Variants in RIMS2 observed in about 807,000 individuals in gnomAD.
RIMS2 encodes the protein regulating synaptic membrane exocytosis 2, also known as regulating synaptic membrane exocytosis protein 2.
In RIMS2, 59 loss-of-function variants were observed where a neutral mutation model predicts 174.4. The ratio of observed to expected loss-of-function variants is 0.34; its 90% CI spans 0.27 to 0.42. RIMS2 has a LOEUF of 0.42. RIMS2 is among the 10% of genes least tolerant of loss of function. The probability of loss-of-function intolerance (pLI) is 1.00; values close to 1 mark genes in which losing one functional copy is unlikely to be tolerated. For missense variants in RIMS2, 1,620 were observed against 1,666.3 expected, an observed-to-expected ratio of 0.97 and a Z score of 0.48; for synonymous variants, 606 against 572.5, an observed-to-expected ratio of 1.06 and a Z score of -0.84.
At position 103,886,013 on chromosome 8, in the gene RIMS2, G is replaced by GA; in HGVS notation, c.1420dup (p.Met474AsnfsTer8). 1 of 1,612,892 alleles carries GA rather than the reference G, an allele frequency of 6.2e-7. No individual in the cohort carries two copies. The highest frequency in any genetic ancestry group is 8.5e-7 in the Non-Finnish European group (1 of 1,179,432). The stretch of plus-strand genomic sequence containing the variant: ...CTCTGCTGTAAGAAAAACAAAACGG[G>GA]AAAAAATGGAAACAATGTTAAGGAA... On this transcript the variant is annotated frameshift_variant, in exon 4 of 24. Transcript: ENST00000504942. LOFTEE classifies it high-confidence loss of function.
chr8:103,878,356 G>C, intron 3 of RIMS2, among the ~76,000 whole-genome samples: 1 of 151,760 alleles, frequency 6.6e-6, no homozygotes, highest in East Asian at 1.9e-4. Flanking sequence ...GGTATTTTAT[G>C]TGTGGTGAAT....
chr8:104,064,986 G>T (rs2097079040), intron 19 of RIMS2, among the ~76,000 whole-genome samples: 1 of 151,900 alleles, frequency 6.6e-6, no homozygotes. Flanking sequence ...TCACATATAA[G>T]AAAATTAATC....
intron 19 of RIMS2, among the ~76,000 whole-genome samples, chr8:104,030,597 G>C (rs1430514593): frequency 1.3e-5 from 2 of 152,022 alleles, no homozygotes; most frequent in East Asian, 3.9e-4. Flanking sequence ...CCCAGCCAAA[G>C]TGACCTCCAT....
intron 1 of RIMS2, among the ~76,000 whole-genome samples, chr8:103,515,895 T>C (rs1338219243): frequency 6.6e-6 from 1 of 152,144 alleles, no homozygotes; most frequent in Non-Finnish European, 1.5e-5. Context: ...GTGTCAGTTA[T>C]TAACTTAATA....
At chr8:103,807,438 A>G (rs779968552) in intron 3 of RIMS2, among the ~76,000 whole-genome samples, 3 of 152,142 alleles carry the variant, frequency 2.0e-5, no homozygotes, top group Non-Finnish European at 4.4e-5. Flanking sequence ...ATGGATTTAA[A>G]AGAGGATGTG....
chr8:104,027,450 C>T (rs1182176483), intron 19 of RIMS2, among the ~76,000 whole-genome samples: 1 of 152,134 alleles, frequency 6.6e-6, no homozygotes, highest in Non-Finnish European at 1.5e-5. Flanking sequence ...AACTCCCTTT[C>T]ACCTCATACC....
intron 19 of RIMS2, chr8:104,223,823 T>C (rs2099168753): frequency 6.4e-7 from 1 of 1,572,908 alleles, no homozygotes. Flanking sequence ...GTAGTTGGTG[T>C]CTCTATCTGT....
At chr8:103,603,567 C>T (rs1388134247) in intron 1 of RIMS2, among the ~76,000 whole-genome samples, 3 of 152,114 alleles carry the variant, frequency 2.0e-5, no homozygotes, top group Non-Finnish European at 4.4e-5. Context: ...CCTGATGAAT[C>T]GCCACATTGA....
chr8:103,752,977 T>C (rs951241736), intron 2 of RIMS2, among the ~76,000 whole-genome samples: 11 of 151,972 alleles, frequency 7.2e-5, no homozygotes, highest in African/African-American at 2.7e-4. Flanking sequence ...CTATGTTGAA[T>C]AGGAGTGGTG....
chr8:103,734,047 G>A (rs1202299066), intron 2 of RIMS2, among the ~76,000 whole-genome samples: 5 of 112,146 alleles, frequency 4.5e-5, no homozygotes, highest in African/African-American at 1.2e-4. Context: ...TTTCCCAGAC[G>A]GAGTCTCGCT....
Position 103,589,737 on chromosome 8 carries a change from T to C in RIMS2, c.176+88675T>C, listed in dbSNP as rs916979979. Among the ~76,000 whole-genome samples, 19 of 151,548 alleles carry C rather than the reference T, an allele frequency of 1.3e-4. 2 individuals are homozygous for C. The highest frequency in any genetic ancestry group is 3.0e-5 in the Non-Finnish European group (2 of 67,568). ...ATTGTGATATATATGCAAAATGGAA[T>C]ACTATTGAGTCATAAAAAAGAATGA... On this transcript the variant is annotated intron_variant, in intron 1 of 23. Transcript: ENST00000504942.
intron 3 of RIMS2, among the ~76,000 whole-genome samples, chr8:103,786,481 CGTT>C (rs2098444737): frequency 6.6e-6 from 1 of 151,866 alleles, no homozygotes; most frequent in African/African-American, 2.4e-5. Flanking sequence ...TCTTTGTTCT[CGTT>C]GGTTTCAAAG....
intron 19 of RIMS2, among the ~76,000 whole-genome samples, chr8:104,110,231 A>T (rs1318077805): frequency 6.6e-6 from 1 of 152,198 alleles, no homozygotes; most frequent in Non-Finnish European, 1.5e-5. Context: ...GTGTCAAAGT[A>T]GTGATAAAAA....
intron 3 of RIMS2, chr8:103,768,319 G>C (rs1591981722): frequency 1.5e-6 from 1 of 652,276 alleles, no homozygotes; most frequent in East Asian, 2.8e-5. Context: ...CTGGCTGCCA[G>C]AAACTCATTG....
chr8:103,764,394 ACATT>A (rs1187184700), intron 2 of RIMS2, among the ~76,000 whole-genome samples: 3 of 152,200 alleles, frequency 2.0e-5, no homozygotes, highest in African/African-American at 7.2e-5. Flanking sequence ...AGAAAAGTTG[ACATT>A]CAAACTTCAT....
chr8:103,971,696 C>T (rs548805029), intron 15 of RIMS2, among the ~76,000 whole-genome samples: 43 of 152,072 alleles, frequency 2.8e-4, no homozygotes, highest in Admixed American at 1.6e-3. Context: ...CTCAGCCTCC[C>T]GAGTAGCTGG....
intron 2 of RIMS2, among the ~76,000 whole-genome samples, chr8:103,749,445 C>T (rs1189168446): frequency 1.3e-5 from 2 of 152,072 alleles, no homozygotes; most frequent in Non-Finnish European, 2.9e-5. Context: ...AACTCTCTTT[C>T]TTTTCATTTT....
At chr8:103,775,092 A>G (rs2098298116) in intron 3 of RIMS2, among the ~76,000 whole-genome samples, 1 of 152,104 alleles carries the variant, frequency 6.6e-6, no homozygotes, top group South Asian at 2.1e-4. Flanking sequence ...TATTTATAGA[A>G]TGCTGATAGT....
intron 19 of RIMS2, among the ~76,000 whole-genome samples, chr8:104,159,635 G>C (rs957798250): frequency 6.6e-6 from 1 of 151,878 alleles, no homozygotes; most frequent in African/African-American, 2.4e-5. Context: ...GTATGAGGGT[G>C]GTATCTCATT....
Sources: allele counts gnomAD v4.1 joint callset (sites outside exome capture counted in the v4.1 genomes callset), GRCh38; gene constraint gnomAD v4.1.1; transcripts MANE v1.5; gene names NCBI Gene and HGNC (gene_info 2026-07-23, HGNC 2026-07-21).